The following KHDRBS2 variants were observed in gnomAD, a reference collection of about 807,000 sequenced individuals.
KHDRBS2 encodes KH domain-containing, RNA-binding, signal transduction-associated protein 2.
In KHDRBS2, 26 loss-of-function variants were observed where a neutral mutation model predicts 44.3. The observed-to-expected ratio is 0.59, with a 90% confidence interval of 0.43 to 0.81. The LOEUF is 0.81. Among genes scored for constraint, KHDRBS2 ranks in the 40% least tolerant of loss-of-function variants. KHDRBS2 has a pLI of 0.00. For synonymous variants in KHDRBS2, 194 were observed against 151.1 expected, an observed-to-expected ratio of 1.28 and a Z score of -2.08; for missense variants, 476 against 433.1, an observed-to-expected ratio of 1.10 and a Z score of -0.88.
chr6:61,950,473 C>T (rs994129332), intron 4 of KHDRBS2, among the ~76,000 whole-genome samples: 4 of 151,784 alleles, frequency 2.6e-5, no homozygotes, highest in Non-Finnish European at 4.4e-5. Flanking sequence ...GATAGAGCTT[C>T]CTTATGTTTC....
chr6:61,916,965 A>ATTTTTTTTTT (rs10700035), intron 4 of KHDRBS2, among the ~76,000 whole-genome samples: 2 of 90,636 alleles, frequency 2.2e-5, no homozygotes, highest in Admixed American at 1.4e-4. Context: ...GGAACTCTGT[A>ATTTTTTTTTT]TTTTTTTTTT....
chr6:61,924,657 T>C (rs975122871), intron 4 of KHDRBS2, among the ~76,000 whole-genome samples: 6 of 151,920 alleles, frequency 3.9e-5, no homozygotes, highest in Admixed American at 2.6e-4. Context: ...GTAATTTATT[T>C]ATATAATCTG....
chr6:62,103,367 C>T (rs1430119551), intron 2 of KHDRBS2, among the ~76,000 whole-genome samples: 1 of 152,216 alleles, frequency 6.6e-6, no homozygotes, highest in East Asian at 1.9e-4. Flanking sequence ...CACCCAAAGT[C>T]CAGAGGGCAG....
intron 2 of KHDRBS2, among the ~76,000 whole-genome samples, chr6:62,130,936 T>A (rs574804068): frequency 3.9e-5 from 6 of 152,162 alleles, no homozygotes; most frequent in African/African-American, 1.4e-4. Context: ...ATGGTAAAGT[T>A]GAAAAATTAT....
At chr6:62,131,438 A>C (rs1482798340) in intron 2 of KHDRBS2, among the ~76,000 whole-genome samples, 1 of 152,208 alleles carries the variant, frequency 6.6e-6, no homozygotes, top group Non-Finnish European at 1.5e-5. Flanking sequence ...GGGCAGTACA[A>C]GTGAATCCCC....
chr6:61,620,200 T>C, the KHDRBS2 span, among the ~76,000 whole-genome samples: 3,719 of 152,200 alleles, frequency 0.024, 68 homozygotes, highest in Middle Eastern at 0.088. Context: ...CATTCAGAAG[T>C]TTAAATCCAC....
At chr6:62,038,529 G>C (rs1364039071) in intron 3 of KHDRBS2, among the ~76,000 whole-genome samples, 1 of 151,944 alleles carries the variant, frequency 6.6e-6, no homozygotes, top group Non-Finnish European at 1.5e-5. Context: ...AATGACTTGT[G>C]AATTTAAAAA....
intron 6 of KHDRBS2, among the ~76,000 whole-genome samples, chr6:61,780,153 T>C: frequency 6.6e-6 from 1 of 152,352 alleles, no homozygotes; most frequent in Non-Finnish European, 1.5e-5. Context: ...ATACTTAAAC[T>C]ATTCTTTTTA....
chr6:62,180,776 C>T (rs1293110742), intron 1 of KHDRBS2, among the ~76,000 whole-genome samples: 3 of 151,666 alleles, frequency 2.0e-5, no homozygotes, highest in East Asian at 3.9e-4. Flanking sequence ...CATCACACTT[C>T]CCAATTTCAA....
At chr6:62,252,180 C>T (rs1836661018) in intron 1 of KHDRBS2, among the ~76,000 whole-genome samples, 1 of 151,464 alleles carries the variant, frequency 6.6e-6, no homozygotes, top group African/African-American at 2.4e-5. Context: ...TTGATGATAC[C>T]ACTCAATATT....
chr6:61,808,923 TA>T (rs957986162), intron 6 of KHDRBS2, among the ~76,000 whole-genome samples: 3 of 152,118 alleles, frequency 2.0e-5, no homozygotes, highest in African/African-American at 7.2e-5. Context: ...AGTAGAATGT[TA>T]AATGAAATTC....
intron 6 of KHDRBS2, among the ~76,000 whole-genome samples, chr6:61,771,751 C>G (rs1163899296): frequency 6.6e-6 from 1 of 152,126 alleles, no homozygotes. Context: ...GACTTTAACA[C>G]CCCACTGTCA....
At chr6:62,188,868 C>A (rs1417212370) in intron 1 of KHDRBS2, among the ~76,000 whole-genome samples, 1 of 152,170 alleles carries the variant, frequency 6.6e-6, no homozygotes, top group African/African-American at 2.4e-5. Context: ...AATCCTAGCA[C>A]TTTGAGAGGC....
At chr6:62,278,419 T>C (rs898073152) in intron 1 of KHDRBS2, among the ~76,000 whole-genome samples, 1 of 152,070 alleles carries the variant, frequency 6.6e-6, no homozygotes, top group Non-Finnish European at 1.5e-5. Context: ...ATGTTCCCAT[T>C]CTCAGGTACC....
At chr6:62,055,165 T>A (rs1220494666) in intron 2 of KHDRBS2, among the ~76,000 whole-genome samples, 5 of 151,870 alleles carry the variant, frequency 3.3e-5, no homozygotes, top group African/African-American at 1.2e-4. Flanking sequence ...GGTGAAAACA[T>A]AAATCACAAA....
At chr6:62,210,401 G>A (rs776907804) in intron 1 of KHDRBS2, among the ~76,000 whole-genome samples, 9 of 149,158 alleles carry the variant, frequency 6.0e-5, no homozygotes, top group Non-Finnish European at 1.0e-4. Context: ...CACAATCTTG[G>A]CTCATTGCAA....
At chr6:61,832,936 C>A (rs1362415703) in intron 6 of KHDRBS2, among the ~76,000 whole-genome samples, 1 of 152,140 alleles carries the variant, frequency 6.6e-6, no homozygotes, top group African/African-American at 2.4e-5. Context: ...CTTTTATCTT[C>A]ATAAACTTAA....
chr6:62,090,669 G>A (rs1270547837), intron 2 of KHDRBS2, among the ~76,000 whole-genome samples: 1 of 151,880 alleles, frequency 6.6e-6, no homozygotes, highest in Non-Finnish European at 1.5e-5. Context: ...GAGAGAACAG[G>A]GGTACTGTTT....
the KHDRBS2 span, among the ~76,000 whole-genome samples, chr6:61,563,970 T>G: frequency 1.3e-5 from 2 of 152,104 alleles, no homozygotes; most frequent in African/African-American, 4.8e-5. Context: ...GGACAGTTTA[T>G]TAGTGCCAGT....
Sources: gnomAD v4.1 joint callset for allele counts (sites outside exome capture counted in the v4.1 genomes callset) on GRCh38, gnomAD v4.1.1 for gene constraint, MANE v1.5 for transcripts, NCBI Gene and HGNC (gene_info 2026-07-23, HGNC 2026-07-21) for gene names.